SMAD1: variants seen among roughly 807,000 people sequenced by gnomAD.
SMAD1 encodes the protein SMAD family member 1.
A neutral mutation model predicts 41.6 loss-of-function variants in SMAD1; 6 were observed. That is an observed-to-expected ratio of 0.14 (90% CI 0.08 to 0.28). The LOEUF (loss-of-function observed/expected upper bound fraction) is 0.28, where lower values mean the gene tolerates loss of function less well. Among genes scored for constraint, SMAD1 ranks in the 10% least tolerant of loss-of-function variants. The pLI is 1.00. For synonymous variants in SMAD1, 206 were observed against 203.2 expected (o/e 1.01, Z -0.12); for missense variants, 379 against 582.6 (o/e 0.65, Z 3.60).
intron 1 of SMAD1, among the ~76,000 whole-genome samples, chr4:145,510,030 T>G (rs935068422): frequency 1.2e-4 from 19 of 152,186 alleles, no homozygotes; most frequent in African/African-American, 4.6e-4. Context: ...TTTCCTGTAG[T>G]GAAGATGACA....
At chr4:145,522,688 T>A (rs1441228778) in intron 2 of SMAD1, among the ~76,000 whole-genome samples, 1 of 152,192 alleles carries the variant, frequency 6.6e-6, no homozygotes, top group East Asian at 1.9e-4. Flanking sequence ...TTTTTTGTTT[T>A]TTTTAATTTG....
chr4:145,558,093 A>C lies in SMAD1; in HGVS notation c.*159A>C, dbSNP rs74786493. 35 of 400,394 alleles carry C rather than the reference A, an allele frequency of 8.7e-5. No homozygotes were observed. The highest frequency in any genetic ancestry group is 6.6e-4 in the Middle Eastern group (1 of 1,508). 24.8% of individuals were successfully genotyped at this position (400,394 alleles called of 1,614,324 possible). A position where few individuals can be genotyped will look rare whatever the true frequency, so the allele number is the denominator to read the frequency against. On this transcript the variant is annotated 3_prime_UTR_variant, in exon 7 of 7. Transcript: ENST00000302085. Reference sequence around the variant, plus strand: ...AGAAATTTAAACAAAAAAAAAAAAAAACACACACACCTTGGTAACATACTG... The same window carrying C: ...AGAAATTTAAACAAAAAAAAAAAAACACACACACACCTTGGTAACATACTG...
chr4:145,494,928 T>C (rs1728982570), intron 1 of SMAD1, among the ~76,000 whole-genome samples: 1 of 152,140 alleles, frequency 6.6e-6, no homozygotes, highest in African/African-American at 2.4e-5. Context: ...AGGATATGTG[T>C]GTTTGACATC....
At chr4:145,523,468 T>TA (rs1343710054) in intron 2 of SMAD1, among the ~76,000 whole-genome samples, 25 of 152,128 alleles carry the variant, frequency 1.6e-4, no homozygotes, top group African/African-American at 5.8e-4. Flanking sequence ...GAATTACTAA[T>TA]AAAATAGACC....
chr4:145,540,734 CAA>C (rs921011866), intron 3 of SMAD1, among the ~76,000 whole-genome samples: 40 of 81,588 alleles, frequency 4.9e-4, no homozygotes, highest in Admixed American at 1.5e-3. Context: ...CAAGCATCTC[CAA>C]AAAAAAAAAA....
In SMAD1 at chr4:145,518,498, A is replaced by T. The variant is rs1249588928; in HGVS notation, c.400+3485A>T. 1.4e-4 allele frequency among the ~76,000 whole-genome samples: 16 copies of T among 112,362 alleles called. 2 individuals carry two copies. Among genetic ancestry groups the T allele is most frequent in the Admixed American group, 1.2e-3 (15 of 12,198 alleles). 73.7% of individuals were successfully genotyped at this position (112,362 alleles called of 152,430 possible). A position where few individuals can be genotyped will look rare whatever the true frequency, so the allele number is the denominator to read the frequency against. On this transcript the variant is annotated intron_variant, in intron 2 of 6. Transcript: ENST00000302085. ...GAGTGAAACTCCATCTCAAAAAAAA[A>T]AAATAAAAATGTGCAAGGTGACTTA...
Position 145,482,763 on chromosome 4 carries a change from C to G in SMAD1, c.-177+725C>G, listed in dbSNP as rs1172900608. 6.6e-6 allele frequency: 1 copy of G among 152,284 alleles called. No homozygotes were observed. The highest frequency in any genetic ancestry group is 1.5e-5 in the Non-Finnish European group (1 of 68,124). The allele number at this position is 152,284 out of a possible 1,614,324, so 9.4% of individuals were successfully genotyped here. On this transcript the variant is annotated intron_variant, in intron 1 of 6. Transcript: ENST00000302085. The surrounding 1 kb of genome is among the most constrained non-coding windows in gnomAD (Gnocchi z 4.2). Reference sequence around the variant, plus strand: ...TCTTCCGCCTACACCCGCTGCGTCTCCTGGTGTCTCGTTCCTTTCCCTTTA... The same window carrying G: ...TCTTCCGCCTACACCCGCTGCGTCTGCTGGTGTCTCGTTCCTTTCCCTTTA...
At chr4:145,543,878 G>A (rs1336383867) in intron 4 of SMAD1, among the ~76,000 whole-genome samples, 3 of 152,216 alleles carry the variant, frequency 2.0e-5, no homozygotes, top group African/African-American at 7.2e-5. Context: ...TATGCAAATT[G>A]AAGTTAAAGT....
intron 2 of SMAD1, among the ~76,000 whole-genome samples, chr4:145,528,060 T>TAC (rs35710925): frequency 0.14 from 19,952 of 141,978 alleles, 1,483 homozygotes; most frequent in Non-Finnish European, 0.19. Flanking sequence ...TTTTTGTTTG[T>TAC]ACACACACAC....
At chr4:145,519,404 T>A (rs137862937) in intron 2 of SMAD1, among the ~76,000 whole-genome samples, 50,256 of 149,770 alleles carry the variant, frequency 0.34, 10,409 homozygotes, top group Non-Finnish European at 0.48. Flanking sequence ...CTGAACCTTT[T>A]TTTTTTTCAC....
intron 1 of SMAD1, among the ~76,000 whole-genome samples, chr4:145,509,308 CTG>C (rs1405485631): frequency 6.6e-6 from 1 of 152,182 alleles, no homozygotes; most frequent in Non-Finnish European, 1.5e-5. Flanking sequence ...ATGTTTGCTT[CTG>C]TGTCTCCTGT....
rs377489877 is a variant in SMAD1 at position 145,556,112 on chromosome 4, G to A, written c.1255-1679G>A. Reference sequence around the variant, plus strand: ...TACTAACAATAGCCAATCTTGTGCTGTTTTTAAAATGATCATTTTTGGATA... The same window carrying A: ...TACTAACAATAGCCAATCTTGTGCTATTTTTAAAATGATCATTTTTGGATA... On this transcript the variant is annotated intron_variant, in intron 6 of 6. Transcript: ENST00000302085. Among the ~76,000 whole-genome samples, 107 of 152,262 alleles carry A rather than the reference G, an allele frequency of 7.0e-4. No individual in the cohort carries two copies. The East Asian group carries it at 0.019, about 27-fold the overall frequency.
At chr4:145,488,430 G>T (rs1353406447) in intron 1 of SMAD1, among the ~76,000 whole-genome samples, 1 of 150,784 alleles carries the variant, frequency 6.6e-6, no homozygotes, top group Non-Finnish European at 1.5e-5. Flanking sequence ...AGATTGTTAG[G>T]GTATAGTTAC....
chr4:145,519,708 A>G (rs1730634767), intron 2 of SMAD1, among the ~76,000 whole-genome samples: 1 of 151,876 alleles, frequency 6.6e-6, no homozygotes, highest in South Asian at 2.1e-4. Context: ...TGTATTATTA[A>G]CTATAGTCAC....
chr4:145,536,945 T>G (rs988088715), intron 2 of SMAD1, among the ~76,000 whole-genome samples: 2 of 151,992 alleles, frequency 1.3e-5, no homozygotes, highest in Admixed American at 6.6e-5. Context: ...ACCAAAAATC[T>G]CAGAGTTTAA....
intron 1 of SMAD1, among the ~76,000 whole-genome samples, chr4:145,504,469 A>G (rs1729652215): frequency 6.6e-6 from 1 of 152,096 alleles, no homozygotes; most frequent in Non-Finnish European, 1.5e-5. Flanking sequence ...GAGCTGTACA[A>G]TAATCTTTCA....
intron 6 of SMAD1, among the ~76,000 whole-genome samples, 180 bp downstream of exon 6, chr4:145,554,220 G>A (rs535322556): frequency 6.6e-6 from 1 of 150,594 alleles, no homozygotes; most frequent in East Asian, 2.0e-4. Flanking sequence ...AAATATCATT[G>A]GAACATAGGA....
At chr4:145,521,852 A>G (rs565670953) in intron 2 of SMAD1, among the ~76,000 whole-genome samples, 2 of 152,082 alleles carry the variant, frequency 1.3e-5, no homozygotes, top group South Asian at 2.1e-4. Context: ...TTATCCTTAA[A>G]ACTGCATGTG....
At chr4:145,494,044 C>G (rs1728920995) in intron 1 of SMAD1, among the ~76,000 whole-genome samples, 1 of 152,180 alleles carries the variant, frequency 6.6e-6, no homozygotes, top group African/African-American at 2.4e-5. Flanking sequence ...TCACTGCAAC[C>G]TCCGCCTCCC....
Sources: gnomAD v4.1 joint callset for allele counts (sites outside exome capture counted in the v4.1 genomes callset) on GRCh38, gnomAD v4.1.1 for gene constraint, Gnocchi (gnomAD v3.1) non-coding constraint, MANE v1.5 for transcripts, NCBI Gene and HGNC (gene_info 2026-07-23, HGNC 2026-07-21) for gene names.